The following BLK variants were observed in gnomAD, a reference collection of about 807,000 sequenced individuals.
BLK encodes the protein BLK proto-oncogene, Src family tyrosine kinase.
A neutral mutation model predicts 61.8 loss-of-function variants in BLK; 64 were observed. That is an observed-to-expected ratio of 1.03 (90% CI 0.85 to 1.27). The LOEUF (loss-of-function observed/expected upper bound fraction) is 1.27. Among genes scored for constraint, BLK ranks in the 50% most tolerant of loss-of-function variants. The probability of loss-of-function intolerance (pLI) is 0.00; values close to 1 mark genes in which losing one functional copy is unlikely to be tolerated. For synonymous variants in BLK, 351 were observed against 272.0 expected, an observed-to-expected ratio of 1.29 and a Z score of -2.86; for missense variants, 853 against 660.5, an observed-to-expected ratio of 1.29 and a Z score of -3.19.
intron 3 of BLK, among the ~76,000 whole-genome samples, chr8:11,547,703 C>A (rs1442416075): frequency 6.6e-6 from 1 of 152,188 alleles, no homozygotes; most frequent in Non-Finnish European, 1.5e-5. Context: ...GCTCCCAGCA[C>A]TATGTCCGAA....
chr8:11,555,838 G>C (rs1027257737), intron 8 of BLK: 25 of 374,390 alleles, frequency 6.7e-5, no homozygotes, highest in African/African-American at 4.6e-4. Context: ...GAGGTTAAAC[G>C]TGATGAGCCA....
chr8:11,536,340 A>AT (rs2117405856), intron 1 of BLK, among the ~76,000 whole-genome samples: 1 of 152,338 alleles, frequency 6.6e-6, no homozygotes, highest in African/African-American at 2.4e-5. Flanking sequence ...TTTAAAGATA[A>AT]TTATTGAATG....
intron 1 of BLK, among the ~76,000 whole-genome samples, chr8:11,499,491 G>A (rs1016242987): frequency 1.9e-4 from 29 of 152,080 alleles, no homozygotes; most frequent in African/African-American, 6.8e-4. Context: ...CTCATTTCCT[G>A]AGTCAGATGT....
At chr8:11,510,942 C>G (rs1466233789) in intron 1 of BLK, among the ~76,000 whole-genome samples, 1 of 152,150 alleles carries the variant, frequency 6.6e-6, no homozygotes, top group Non-Finnish European at 1.5e-5. Flanking sequence ...TGGTTCTTAA[C>G]TAAAGGAAAT....
At chr8:11,520,641 G>C (rs1235712412) in intron 1 of BLK, among the ~76,000 whole-genome samples, 1 of 152,146 alleles carries the variant, frequency 6.6e-6, no homozygotes, top group Non-Finnish European at 1.5e-5. Flanking sequence ...CCTATAGCCA[G>C]ATTCAGAAGT....
chr8:11,543,350 G>A lies in BLK; in HGVS notation c.123+3G>A. The A allele has an allele frequency of 6.2e-7, 1 of 1,612,746 alleles. No homozygotes were observed. The highest frequency in any genetic ancestry group is 8.5e-7 in the Non-Finnish European group (1 of 1,179,996). ...ACGCCCCGCCACTGCCGCCCCTGGTGAGTGATTGCCCACCCCCACCAAGAG... is the reference window on the plus strand; with the variant it reads ...ACGCCCCGCCACTGCCGCCCCTGGTAAGTGATTGCCCACCCCCACCAAGAG... On this transcript the variant is annotated splice_donor_region_variant and intron_variant, in intron 2 of 12. Transcript: ENST00000259089.
At chr8:11,531,933 A>T (rs374812438) in intron 1 of BLK, among the ~76,000 whole-genome samples, 18 of 151,746 alleles carry the variant, frequency 1.2e-4, no homozygotes, top group South Asian at 8.3e-4. Flanking sequence ...ATCTCGGCTC[A>T]CTGCAACCAC....
intron 2 of BLK, among the ~76,000 whole-genome samples, chr8:11,545,234 G>T (rs1800575639): frequency 6.6e-6 from 1 of 152,268 alleles, no homozygotes; most frequent in South Asian, 2.1e-4. Context: ...TGTCATGAGG[G>T]TTAGTTCCAC....
chr8:11,557,926 T>C, intron 9 of BLK, 36 bp from the exon 10 acceptor site: 1 of 1,607,022 alleles, frequency 6.2e-7, no homozygotes, highest in African/African-American at 1.3e-5. Context: ...GGCGGGTCAC[T>C]TTGCAGAAGG....
At chr8:11,518,529 A>G (rs555856628) in intron 1 of BLK, among the ~76,000 whole-genome samples, 4 of 151,826 alleles carry the variant, frequency 2.6e-5, no homozygotes, top group Non-Finnish European at 4.4e-5. Flanking sequence ...GCATCTCAGC[A>G]TTTCCATCCA....
intron 1 of BLK, among the ~76,000 whole-genome samples, chr8:11,529,725 C>T (rs1170467645): frequency 2.0e-5 from 3 of 152,198 alleles, no homozygotes; most frequent in Non-Finnish European, 4.4e-5. Flanking sequence ...AAATTAACTT[C>T]TTCCCAAAAT....
chr8:11,526,690 G>C (rs2021819), intron 1 of BLK, among the ~76,000 whole-genome samples: 20,740 of 152,242 alleles, frequency 0.14, 1,594 homozygotes, highest in East Asian at 0.25. Context: ...GTGCACTCCA[G>C]CCTGGGGGAC....
chr8:11,548,497 AG>A (rs1333137584), intron 4 of BLK, among the ~76,000 whole-genome samples: 71 of 152,170 alleles, frequency 4.7e-4, no homozygotes, highest in Non-Finnish European at 1.2e-4. Context: ...TTTTCAAGAC[AG>A]GAGCCCACAC....
chr8:11,524,054 A>C (rs1261214001), intron 1 of BLK, among the ~76,000 whole-genome samples: 1 of 152,230 alleles, frequency 6.6e-6, no homozygotes, highest in Non-Finnish European at 1.5e-5. Flanking sequence ...TTTACCTTAC[A>C]ACAATGTTTA....
At chr8:11,518,126 G>A (rs1431918100) in intron 1 of BLK, among the ~76,000 whole-genome samples, 1 of 152,162 alleles carries the variant, frequency 6.6e-6, no homozygotes, top group Admixed American at 6.5e-5. Context: ...GAATAAGTGA[G>A]TCAGGTAGAG....
chr8:11,501,354 TC>T (rs1353098720), intron 1 of BLK, among the ~76,000 whole-genome samples: 5 of 88,730 alleles, frequency 5.6e-5, no homozygotes, highest in East Asian at 3.3e-4. Context: ...AAACTCTCTC[TC>T]TTTTTTTTTT....
chr8:11,535,519 C>A (rs1800099108), intron 1 of BLK, among the ~76,000 whole-genome samples: 1 of 152,192 alleles, frequency 6.6e-6, no homozygotes, highest in Admixed American at 6.5e-5. Context: ...TGGGAGTGTG[C>A]CTGGTATTTT....
intron 10 of BLK, 55 bp from the exon 11 acceptor site, chr8:11,561,247 C>T (rs756818797): frequency 3.9e-5 from 62 of 1,585,834 alleles, no homozygotes; most frequent in South Asian, 3.4e-4. Flanking sequence ...AGTGTGGGCT[C>T]GGTCTTGGCG....
At chr8:11,517,110 G>A (rs1310484610) in intron 1 of BLK, among the ~76,000 whole-genome samples, 1 of 152,148 alleles carries the variant, frequency 6.6e-6, no homozygotes, top group Non-Finnish European at 1.5e-5. Flanking sequence ...GGCTGCCTTT[G>A]GGAATAGGCA....
Sources: gnomAD v4.1 joint callset for allele counts (sites outside exome capture counted in the v4.1 genomes callset) on GRCh38, gnomAD v4.1.1 for gene constraint, MANE v1.5 for transcripts, NCBI Gene and HGNC (gene_info 2026-07-23, HGNC 2026-07-21) for gene names.